Variants in SYNE3 observed in about 807,000 individuals in gnomAD.
The protein encoded by SYNE3 is spectrin repeat containing nuclear envelope family member 3, also known as nesprin-3.
A neutral mutation model predicts 111.2 loss-of-function variants in SYNE3; 100 were observed. The observed-to-expected ratio is 0.90, with a 90% CI of 0.77 to 1.06. SYNE3 has a LOEUF of 1.06. Ranked by LOEUF, SYNE3 falls within the 50% of genes least tolerant of loss-of-function variation. The probability of loss-of-function intolerance (pLI) is 0.00; values close to 1 mark genes in which losing one functional copy is unlikely to be tolerated. For missense variants in SYNE3, 1,160 were observed against 1,240.3 expected, an observed-to-expected ratio of 0.94 and a Z score of 0.97; for synonymous variants, 547 against 533.9, an observed-to-expected ratio of 1.02 and a Z score of -0.34.
At chr14:95,483,109 C>T (rs1407030183) in intron 1 of SYNE3, among the ~76,000 whole-genome samples, 2 of 152,194 alleles carry the variant, frequency 1.3e-5, no homozygotes, top group African/African-American at 4.8e-5. Flanking sequence ...CCAACTGAGC[C>T]CCCCAGCTGC....
chr14:95,514,848 G>C (rs906755156), intron 1 of SYNE3, among the ~76,000 whole-genome samples: 1 of 152,224 alleles, frequency 6.6e-6, no homozygotes, highest in East Asian at 1.9e-4. Context: ...TGCCTCCCGG[G>C]GCCGCCAAGC....
In SYNE3 at chr14:95,417,863, G is replaced by A. The variant is rs368574040; in HGVS notation, c.2891C>T (p.Thr964Met). Residue 964 changes from threonine (T) to methionine (M), a missense_variant, in exon 18 of 18, where the codon ACG becomes ATG. By Grantham distance (81) the Thr-to-Met change is moderately conservative. Transcript: ENST00000682763. ...TGGGCCATTGTAGCGCAGCATGAGC[G>A]TGAAGGAGCGGGCGAAGTTGTTGGC... The part of the protein sequence containing the change: ...TLANNFARSF[T>M]LMLRYNGPPP... The A allele has an allele frequency of 4.6e-5, 74 of 1,614,114 alleles. No individual in the cohort carries two copies. Among genetic ancestry groups the A allele is most frequent in the African/African-American group, 1.2e-4 (9 of 74,924 alleles).
At chr14:95,488,317 C>A (rs1355721525) in intron 1 of SYNE3, among the ~76,000 whole-genome samples, 2 of 152,162 alleles carry the variant, frequency 1.3e-5, no homozygotes, top group Admixed American at 6.5e-5. Context: ...TTTTGAGATT[C>A]ATCCATGTCG....
At chr14:95,444,664 G>A (rs372934775) in intron 9 of SYNE3, 36 bp from the exon 10 acceptor site, 21 of 1,531,544 alleles carry the variant, frequency 1.4e-5, no homozygotes, top group African/African-American at 5.5e-5. Context: ...CATTAAGAGC[G>A]TTCCTCATGA....
intron 2 of SYNE3, among the ~76,000 whole-genome samples, chr14:95,471,633 A>G (rs1282548670): frequency 6.6e-6 from 1 of 152,214 alleles, no homozygotes; most frequent in Non-Finnish European, 1.5e-5. Flanking sequence ...CCGAATTTTG[A>G]GAAGTAGATT....
Position 95,475,253 on chromosome 14 carries a change from G to A in SYNE3, c.144+425C>T, listed in dbSNP as rs1184733541. 3.3e-5 allele frequency among the ~76,000 whole-genome samples: 5 copies of A among 152,308 alleles called. No homozygotes were observed. In the South Asian group the frequency reaches 6.2e-4, roughly 19 times the overall value. ...CCTTGCTGGGCAGAGCCCCTTCCCC[G>A]CTCCTCTGGAGGAAGACCTTGGCCA... On this transcript the variant is annotated intron_variant, in intron 2 of 17. Coordinates refer to ENST00000682763, the MANE Select transcript of SYNE3 (RefSeq NM_152592.6).
At chr14:95,439,305 TCA>T in intron 13 of SYNE3, 143 bp from the exon 14 acceptor site, 1 of 1,261,218 alleles carries the variant, frequency 7.9e-7, no homozygotes, top group Non-Finnish European at 1.1e-6. Flanking sequence ...TGAGGCATGC[TCA>T]CATCCGGTTT....
chr14:95,441,789 T>C (rs1444324505), intron 11 of SYNE3, among the ~76,000 whole-genome samples: 1 of 152,248 alleles, frequency 6.6e-6, no homozygotes, highest in African/African-American at 2.4e-5. Context: ...AATCGTCACT[T>C]ACACCAATGG....
At chr14:95,491,732 T>G (rs977485287) in intron 1 of SYNE3, among the ~76,000 whole-genome samples, 7 of 145,346 alleles carry the variant, frequency 4.8e-5, no homozygotes, top group African/African-American at 1.5e-4. Flanking sequence ...AAATTAGGCA[T>G]CATCAAAATT....
Position 95,449,968 on chromosome 14 carries a change from T to G in SYNE3, c.1412A>C (p.Asp471Ala). 1 of 1,554,646 alleles carries G rather than the reference T, an allele frequency of 6.4e-7. No homozygotes were observed. Among genetic ancestry groups the G allele is most frequent in the Non-Finnish European group, 8.7e-7 (1 of 1,148,898 alleles). Residue 471 changes from aspartate (D) to alanine (A), a missense_variant, in exon 8 of 18, where the codon GAC (aspartate) becomes GCC (alanine). Physicochemically the swap from Asp to Ala is moderately radical, Grantham distance 126 (BLOSUM62 -2). Coordinates refer to ENST00000682763, the MANE Select transcript of SYNE3 (RefSeq NM_152592.6). ...RLLEVTASLPDLPSLHTFLPQ... is the reference protein window; with the variant it reads ...RLLEVTASLPALPSLHTFLPQ... ...CAGGAAGGTGTGAAGGGAAGGCAGG[T>G]CCGGCAGGCTGGCAGTGACCTCCAA...
chr14:95,477,841 G>A (rs916653836), intron 1 of SYNE3, among the ~76,000 whole-genome samples: 2 of 152,212 alleles, frequency 1.3e-5, no homozygotes, highest in Non-Finnish European at 2.9e-5. Context: ...GCATTTAAAT[G>A]TATTTGTTGT....
Position 95,467,833 on chromosome 14 carries a change from T to C in SYNE3, c.279A>G (p.Gln93=), listed in dbSNP as rs778340061. The change falls in exon 3 of 18, where the codon CAA becomes CAG. Residue 93 remains glutamine (Q), a synonymous_variant. Coordinates refer to ENST00000682763, the MANE Select transcript of SYNE3 (RefSeq NM_152592.6). The stretch of plus-strand genomic sequence containing the variant: ...TCATGTAGGTGACTGTCTCCTCCCA[T>C]TGGGCCTTGATGTCCTTCAGCCGGG... ...ILARLKDIKA[Q]WEETVTYMTH... is the part of the protein sequence containing the mutation. 5 of 1,614,068 alleles carry C rather than the reference T, an allele frequency of 3.1e-6. No homozygotes were observed. The highest frequency in any genetic ancestry group is 1.3e-5 in the African/African-American group (1 of 74,936).
chr14:95,495,569 A>C (rs930954459), intron 1 of SYNE3, among the ~76,000 whole-genome samples: 2 of 152,184 alleles, frequency 1.3e-5, no homozygotes, highest in African/African-American at 4.8e-5. Context: ...TCAACCTTCA[A>C]ATCAGGGGTC....
chr14:95,500,421 C>T lies in SYNE3; in HGVS notation c.-15+16175G>A, dbSNP rs1048999948. Among the ~76,000 whole-genome samples the T allele has an allele frequency of 6.6e-6, 1 of 152,192 alleles. No individual in the cohort carries two copies. The highest frequency in any genetic ancestry group is 2.4e-5 in the African/African-American group (1 of 41,452). On this transcript the variant is annotated intron_variant, in intron 1 of 17. Coordinates refer to ENST00000682763, the MANE Select transcript of SYNE3 (RefSeq NM_152592.6). This position sits in a 1 kb window ranked among gnomAD's most constrained non-coding sequence, Gnocchi z 4.7. Reference sequence around the variant, plus strand: ...GGGCTACCCTCAGGAGTGAGTGATACCTTGCAGACGCGTAGGTGTCCTCTT... The same window carrying T: ...GGGCTACCCTCAGGAGTGAGTGATATCTTGCAGACGCGTAGGTGTCCTCTT...
At chr14:95,447,030 C>A (rs1391543294) in intron 8 of SYNE3, among the ~76,000 whole-genome samples, 2 of 152,150 alleles carry the variant, frequency 1.3e-5, no homozygotes, top group Non-Finnish European at 2.9e-5. Flanking sequence ...TGCTGAGAAC[C>A]CACTCTCAGA....
chr14:95,439,306 C>T (rs1323030149), intron 13 of SYNE3, 144 bp from the exon 14 acceptor site: 4 of 1,269,508 alleles, frequency 3.2e-6, no homozygotes, highest in African/African-American at 1.5e-5. Flanking sequence ...GAGGCATGCT[C>T]ACATCCGGTT....
Position 95,409,213 on chromosome 14 carries a change from G to A in SYNE3, c.*8613C>T, listed in dbSNP as rs771110001. ...ACAAGTCCCAAATTTACCACTCCCC[G>A]CCTAGCTGGCTGCTCTGAGGCAGGC... is the stretch of plus-strand genomic sequence containing the variant. On this transcript the variant is annotated 3_prime_UTR_variant, in exon 18 of 18. Coordinates refer to ENST00000682763, the MANE Select transcript of SYNE3 (RefSeq NM_152592.6). 1.5e-5 allele frequency: 7 copies of A among 456,554 alleles called. No individual in the cohort carries two copies. The highest frequency in any genetic ancestry group is 2.3e-5 in the Admixed American group (1 of 42,562). The allele number at this position is 456,554 out of a possible 1,614,324, so 28.3% of individuals were successfully genotyped here.
chr14:95,464,065 T>C (rs1287140031), intron 4 of SYNE3, among the ~76,000 whole-genome samples: 1 of 152,240 alleles, frequency 6.6e-6, no homozygotes, highest in Non-Finnish European at 1.5e-5. Flanking sequence ...CAGAGCCTTG[T>C]TCCTGGTGGA....
intron 1 of SYNE3, among the ~76,000 whole-genome samples, chr14:95,491,823 C>A (rs1889866240): frequency 6.8e-6 from 1 of 147,040 alleles, no homozygotes; most frequent in Admixed American, 6.7e-5. Context: ...AGATGTCCCA[C>A]AGAATGGAAC....
Sources: gnomAD v4.1 joint callset for allele counts (sites outside exome capture counted in the v4.1 genomes callset) on GRCh38, gnomAD v4.1.1 for gene constraint, Gnocchi (gnomAD v3.1) non-coding constraint, MANE v1.5 for transcripts, NCBI Gene and HGNC (gene_info 2026-07-23, HGNC 2026-07-21) for gene names.